GRK3: variants seen among roughly 807,000 people sequenced by gnomAD.
The protein encoded by GRK3 is adrenergic, beta, receptor kinase 2.
GRK3 carries 54 observed loss-of-function variants against 95.7 expected under a neutral mutation model. That is an observed-to-expected ratio of 0.56 (90% CI 0.45 to 0.71). GRK3 has a LOEUF of 0.71. Ranked by LOEUF, GRK3 falls within the 30% of genes least tolerant of loss-of-function variation. The probability of loss-of-function intolerance (pLI) is 0.00; values close to 1 mark genes in which losing one functional copy is unlikely to be tolerated. For missense variants in GRK3, 649 were observed against 851.2 expected (o/e 0.76, Z 2.96); for synonymous variants, 281 against 290.8 (o/e 0.97, Z 0.34).
intron 1 of GRK3, among the ~76,000 whole-genome samples, chr22:25,599,269 A>T (rs1943816025): frequency 1.3e-5 from 2 of 152,180 alleles, no homozygotes; most frequent in South Asian, 4.1e-4. Context: ...AAGTGCAAAG[A>T]CAAATTATAG....
intron 3 of GRK3, 132 bp downstream of exon 3, chr22:25,644,797 A>C: frequency 2.0e-6 from 1 of 497,500 alleles, no homozygotes; most frequent in Non-Finnish European, 3.5e-6. Flanking sequence ...AGTGCAAAAT[A>C]TAGTATCAAG....
chr22:25,566,798 G>C (rs186569171), intron 1 of GRK3, among the ~76,000 whole-genome samples: 1 of 152,238 alleles, frequency 6.6e-6, no homozygotes, highest in East Asian at 1.9e-4. Context: ...TTCCTCTTTT[G>C]TCTTGCCTTT....
At position 25,698,915 on chromosome 22, in the gene GRK3, G is replaced by GT. The variant is rs549964399; in HGVS notation, c.1160+3708dup. Among the ~76,000 whole-genome samples, 5 of 152,156 alleles carry GT rather than the reference G, an allele frequency of 3.3e-5. No homozygotes were observed. In the South Asian group the frequency reaches 8.3e-4, roughly 25 times the overall value. The stretch of plus-strand genomic sequence containing the variant: ...TTTTCGTGGAGTGTGTTTTGTTTTT[G>GT]TTTTTTTATAGATGGTTGGATATGG... On this transcript the variant is annotated intron_variant, in intron 13 of 20. Coordinates refer to ENST00000324198, the MANE Select transcript of GRK3 (RefSeq NM_005160.4).
Position 25,667,745 on chromosome 22 carries a change from A to G in GRK3, c.448A>G (p.Ile150Val). 1.2e-6 allele frequency: 2 copies of G among 1,610,572 alleles called. No individual in the cohort carries two copies. Among genetic ancestry groups the G allele is most frequent in the African/African-American group, 1.3e-5 (1 of 74,976 alleles). The change falls in exon 6 of 21, where the codon ATA (isoleucine) becomes GTA (valine). Residue 150 changes from isoleucine (I) to valine (V), a missense_variant. By Grantham distance (29) the Ile-to-Val change is conservative (BLOSUM62 3). Coordinates refer to ENST00000324198, the MANE Select transcript of GRK3 (RefSeq NM_005160.4). Reference protein sequence around the residue: ...QVTSTLFQPYIEEICESLRGD... With the variant: ...QVTSTLFQPYVEEICESLRGD... ...TCTTTTCCATCTCTTCCAGCCATAC[A>G]TAGAAGAAATTTGTGAAAGCCTTCG...
intron 8 of GRK3, among the ~76,000 whole-genome samples, chr22:25,675,222 G>A (rs376642947): frequency 4.7e-4 from 70 of 150,400 alleles, no homozygotes; most frequent in African/African-American, 1.7e-3. Flanking sequence ...AAGACTCACC[G>A]ACGATGAAGT....
Position 25,722,720 on chromosome 22 carries a change from G to A in GRK3, c.*270G>A, listed in dbSNP as rs966328947. 3.1e-6 allele frequency: 1 copy of A among 320,536 alleles called. No homozygotes were observed. Among genetic ancestry groups the A allele is most frequent in the East Asian group, 5.6e-5 (1 of 17,914 alleles). 19.9% of individuals were successfully genotyped at this position (320,536 alleles called of 1,614,324 possible). A position where few individuals can be genotyped will look rare whatever the true frequency, so the allele number is the denominator to read the frequency against. On this transcript the variant is annotated 3_prime_UTR_variant, in exon 21 of 21. Transcript: ENST00000324198. ...ACTTGAAGTGACTCCTACTTATCAC[G>A]TAAATTTTTATGTCTGATATCAAAC... is the stretch of plus-strand genomic sequence containing the variant.
At chr22:25,655,945 A>G (rs893235802) in intron 3 of GRK3, among the ~76,000 whole-genome samples, 3 of 152,336 alleles carry the variant, frequency 2.0e-5, no homozygotes, top group Non-Finnish European at 4.4e-5. Flanking sequence ...CGTTACGTGC[A>G]GCATAGTGGT....
chr22:25,641,708 AGT>A (rs1206690807), intron 2 of GRK3, among the ~76,000 whole-genome samples: 1 of 152,130 alleles, frequency 6.6e-6, no homozygotes, highest in African/African-American at 2.4e-5. Flanking sequence ...ATCCAGGAAA[AGT>A]GTGTGAGGCA....
chr22:25,640,148 TCTTA>T (rs2084732440), intron 2 of GRK3, among the ~76,000 whole-genome samples: 1 of 152,192 alleles, frequency 6.6e-6, no homozygotes, highest in Non-Finnish European at 1.5e-5. Context: ...TATTTCATTT[TCTTA>T]CTTTATTGCA....
At chr22:25,706,544 T>G (rs908875003) in intron 15 of GRK3, among the ~76,000 whole-genome samples, 6 of 152,184 alleles carry the variant, frequency 3.9e-5, no homozygotes, top group African/African-American at 1.4e-4. Context: ...ATTTTTTATT[T>G]TTTTGAGATT....
intron 3 of GRK3, 87 bp from the exon 4 acceptor site, chr22:25,661,488 GT>G: frequency 1.4e-6 from 1 of 719,914 alleles, no homozygotes; most frequent in Non-Finnish European, 2.3e-6. Flanking sequence ...TCATGTGCAA[GT>G]GGTTTCTGCC....
chr22:25,603,131 G>T (rs2084420355), intron 1 of GRK3, among the ~76,000 whole-genome samples: 1 of 152,092 alleles, frequency 6.6e-6, no homozygotes, highest in Admixed American at 6.6e-5. Flanking sequence ...GGGCCAGAAT[G>T]GTCTTGAACT....
chr22:25,702,131 T>C (rs2085263885), intron 13 of GRK3, among the ~76,000 whole-genome samples: 2 of 152,010 alleles, frequency 1.3e-5, no homozygotes, highest in African/African-American at 4.8e-5. Flanking sequence ...GAGATGGCAA[T>C]TAGTTTGTGT....
chr22:25,612,434 GT>G (rs943372127), intron 2 of GRK3, among the ~76,000 whole-genome samples: 2 of 152,052 alleles, frequency 1.3e-5, no homozygotes, highest in African/African-American at 2.4e-5. Context: ...AATAGAATGA[GT>G]TTTTTTGTAG....
At chr22:25,716,339 T>C (rs1254567554) in intron 18 of GRK3, among the ~76,000 whole-genome samples, 17 of 152,296 alleles carry the variant, frequency 1.1e-4, no homozygotes, top group Non-Finnish European at 5.9e-5. Flanking sequence ...GGGGTGTGTT[T>C]GCCACAGCAG....
At chr22:25,711,990 T>C (rs1371322515) in intron 17 of GRK3, among the ~76,000 whole-genome samples, 1 of 152,168 alleles carries the variant, frequency 6.6e-6, no homozygotes, top group Admixed American at 6.5e-5. Flanking sequence ...TGGAGACACG[T>C]AGGACTGGGA....
At chr22:25,671,516 T>TA (rs2084983143) in intron 6 of GRK3, among the ~76,000 whole-genome samples, 1 of 152,224 alleles carries the variant, frequency 6.6e-6, no homozygotes, top group Admixed American at 6.5e-5. Flanking sequence ...GTGGTGAACC[T>TA]ATTGCCTCTT....
At chr22:25,601,481 T>C (rs1279677728) in intron 1 of GRK3, among the ~76,000 whole-genome samples, 2 of 152,204 alleles carry the variant, frequency 1.3e-5, no homozygotes, top group Non-Finnish European at 2.9e-5. Flanking sequence ...AAGTAGAATA[T>C]ATCAATATCT....
chr22:25,580,891 G>A (rs1932076012), intron 1 of GRK3, among the ~76,000 whole-genome samples: 1 of 152,150 alleles, frequency 6.6e-6, no homozygotes, highest in South Asian at 2.1e-4. Context: ...TTGGGTGGCC[G>A]AGGCAGGCGG....
Sources: gnomAD v4.1 joint callset for allele counts (sites outside exome capture counted in the v4.1 genomes callset) on GRCh38, gnomAD v4.1.1 for gene constraint, MANE v1.5 for transcripts, NCBI Gene and HGNC (gene_info 2026-07-23, HGNC 2026-07-21) for gene names.